Variants in STRBP observed in about 807,000 individuals in gnomAD.
The protein encoded by STRBP is spermatid perinuclear RNA-binding protein.
A neutral mutation model predicts 80.1 loss-of-function variants in STRBP; 13 were observed. The ratio of observed to expected loss-of-function variants is 0.16; its 90% CI spans 0.11 to 0.26. The LOEUF (loss-of-function observed/expected upper bound fraction) is 0.26, where lower values mean the gene tolerates loss of function less well. Among genes scored for constraint, STRBP ranks in the 10% least tolerant of loss-of-function variants. The pLI is 1.00. For missense variants in STRBP, 485 were observed against 815.2 expected, an observed-to-expected ratio of 0.59 and a Z score of 4.93; for synonymous variants, 284 against 291.2, an observed-to-expected ratio of 0.98 and a Z score of 0.25.
intron 14 of STRBP, among the ~76,000 whole-genome samples, chr9:123,139,141 C>T (rs928509402): frequency 2.0e-5 from 3 of 152,130 alleles, no homozygotes; most frequent in African/African-American, 7.2e-5. Flanking sequence ...TCAAATAATC[C>T]CAATTTCCTC....
At chr9:123,258,966 T>A (rs1004977997) in intron 1 of STRBP, among the ~76,000 whole-genome samples, 9 of 151,216 alleles carry the variant, frequency 6.0e-5, no homozygotes, top group Non-Finnish European at 1.2e-4. Flanking sequence ...GGGCAATCAC[T>A]AGAGGGTTTT....
At chr9:123,192,628 C>G (rs368201567) in intron 2 of STRBP, among the ~76,000 whole-genome samples, 8 of 152,152 alleles carry the variant, frequency 5.3e-5, no homozygotes, top group Admixed American at 1.3e-4. Flanking sequence ...TGCATAGGAA[C>G]AGGAATCTTG....
chr9:123,205,472 C>T (rs1239925721), intron 2 of STRBP, among the ~76,000 whole-genome samples: 1 of 152,196 alleles, frequency 6.6e-6, no homozygotes, highest in Non-Finnish European at 1.5e-5. Context: ...GATTATTTCT[C>T]TTAATGAGGT....
intron 6 of STRBP, among the ~76,000 whole-genome samples, chr9:123,162,621 CTG>C (rs2037569503): frequency 6.6e-6 from 1 of 152,188 alleles, no homozygotes; most frequent in Non-Finnish European, 1.5e-5. Context: ...GGCCATGACA[CTG>C]TAAAGGCTGA....
intron 1 of STRBP, among the ~76,000 whole-genome samples, chr9:123,248,685 G>A (rs1268810949): frequency 6.6e-6 from 1 of 152,128 alleles, no homozygotes; most frequent in East Asian, 1.9e-4. Context: ...AATTTTGTAA[G>A]CCTAACATAA....
At chr9:123,240,935 T>C (rs2132606000) in intron 1 of STRBP, among the ~76,000 whole-genome samples, 1 of 152,206 alleles carries the variant, frequency 6.6e-6, no homozygotes, top group South Asian at 2.1e-4. Context: ...ATCCCAGCAC[T>C]TTGGGAGGCT....
intron 2 of STRBP, among the ~76,000 whole-genome samples, chr9:123,196,637 C>G (rs2132497421): frequency 6.6e-6 from 1 of 152,254 alleles, no homozygotes; most frequent in Non-Finnish European, 1.5e-5. Context: ...TGAAATGGTA[C>G]TCAACATCAC....
chr9:123,249,356 GCAA>G (rs2040864861), intron 1 of STRBP, among the ~76,000 whole-genome samples: 1 of 152,096 alleles, frequency 6.6e-6, no homozygotes, highest in African/African-American at 2.4e-5. Flanking sequence ...TCCAGCCTGG[GCAA>G]CAGAGTGAGA....
At chr9:123,127,350 T>C (rs2035937198) in intron 18 of STRBP, among the ~76,000 whole-genome samples, 1 of 152,156 alleles carries the variant, frequency 6.6e-6, no homozygotes, top group African/African-American at 2.4e-5. Context: ...AGGAAGGGCC[T>C]TTCCCTTCTG....
chr9:123,211,712 G>A (rs2039715045), intron 2 of STRBP, among the ~76,000 whole-genome samples: 2 of 152,094 alleles, frequency 1.3e-5, no homozygotes, highest in South Asian at 4.1e-4. Flanking sequence ...CAACTATAAA[G>A]AGTTGTTATA....
At chr9:123,119,682 C>T (rs1043184104), downstream of STRBP, among the ~76,000 whole-genome samples, 6 of 152,174 alleles carry the variant, frequency 3.9e-5, no homozygotes, top group African/African-American at 1.4e-4. Context: ...GAGCCTTGCC[C>T]TCCTCACGTT....
rs1460128836 is a variant in STRBP at position 123,122,573 on chromosome 9, T to G, written c.*3024A>C. ...ACTCAACTCCTTACTTCACCACCCA[T>G]GCACTTCATCTAGTCAGCATGAGGT... On this transcript the variant is annotated 3_prime_UTR_variant, in exon 19 of 19. Transcript: ENST00000348403. 46 of 1,120,400 alleles carry G rather than the reference T, an allele frequency of 4.1e-5. No homozygotes were observed. The highest frequency in any genetic ancestry group is 4.8e-5 in the Non-Finnish European group (44 of 909,148). The allele number at this position is 1,120,400 out of a possible 1,614,324, so 69.4% of individuals were successfully genotyped here. A position where few individuals can be genotyped will look rare whatever the true frequency, so the allele number is the denominator to read the frequency against.
intron 13 of STRBP, among the ~76,000 whole-genome samples, chr9:123,140,140 T>G (rs140722419): frequency 1.3e-5 from 2 of 152,216 alleles, no homozygotes; most frequent in African/African-American, 4.8e-5. Flanking sequence ...AAGACTATAC[T>G]GGTTGACCTC....
rs1241278735 is a variant in STRBP, at chr9:123,126,552, G to GTA, written c.1943-881_1943-880dup. Among the ~76,000 whole-genome samples the GTA allele has an allele frequency of 6.6e-6, 1 of 152,120 alleles. No individual in the cohort carries two copies. The highest frequency in any genetic ancestry group is 1.9e-4 in the East Asian group (1 of 5,182). On this transcript the variant is annotated intron_variant, in intron 18 of 18. Transcript: ENST00000348403. This position sits in a 1 kb window ranked among gnomAD's most constrained non-coding sequence, Gnocchi z 4.4. ...GGGGCTCAGAGGGCACAGGGTGAAA[G>GTA]TATAATGTTAAAGGAGGAAAGGGAG...
chr9:123,231,476 T>C lies in STRBP; in HGVS notation c.-165+5354A>G, dbSNP rs574572502. ...TAATAATCCTTAAACAGTACCCTCA[T>C]AGTTATCAGCCAAATCAAGAAATAT... On this transcript the variant is annotated intron_variant, in intron 2 of 18. Transcript: ENST00000348403. Among the ~76,000 whole-genome samples, 4 of 152,312 alleles carry C rather than the reference T, an allele frequency of 2.6e-5. No homozygotes were observed. The South Asian group carries it at 8.3e-4, about 32-fold the overall frequency.
intron 2 of STRBP, among the ~76,000 whole-genome samples, chr9:123,194,997 C>T (rs550813949): frequency 6.6e-6 from 1 of 152,188 alleles, no homozygotes; most frequent in South Asian, 2.1e-4. Flanking sequence ...ACTTTAAATA[C>T]CATCTATATA....
At chr9:123,243,291 T>C (rs796343639) in intron 1 of STRBP, among the ~76,000 whole-genome samples, 12 of 114,096 alleles carry the variant, frequency 1.1e-4, no homozygotes, top group African/African-American at 3.9e-4. Context: ...AAAAGAAAAA[T>C]AGAGCTTTCA....
chr9:123,173,892 A>G, intron 4 of STRBP, 50 bp from the exon 5 acceptor site: 5 of 1,541,556 alleles, frequency 3.2e-6, no homozygotes, highest in Non-Finnish European at 3.5e-6. Flanking sequence ...TTCCCAAACT[A>G]TAACTTAATC....
At chr9:123,150,315 C>CA (rs1564239287) in intron 11 of STRBP, among the ~76,000 whole-genome samples, 1 of 151,928 alleles carries the variant, frequency 6.6e-6, no homozygotes, top group Non-Finnish European at 1.5e-5. Flanking sequence ...GTAAATAAGT[C>CA]AAAAAAGGCT....
Sources: gnomAD v4.1 joint callset for allele counts (sites outside exome capture counted in the v4.1 genomes callset) on GRCh38, gnomAD v4.1.1 for gene constraint, Gnocchi (gnomAD v3.1) non-coding constraint, MANE v1.5 for transcripts, NCBI Gene and HGNC (gene_info 2026-07-23, HGNC 2026-07-21) for gene names.